FHIP1A: variants seen among roughly 807,000 people sequenced by gnomAD.
FHIP1A encodes FHF complex subunit HOOK interacting protein 1A, also known as FHF complex subunit HOOK-interacting protein 1A.
Under a neutral mutation model 88.6 loss-of-function variants are expected in FHIP1A, and 61 were observed. The observed-to-expected ratio is 0.69, with a 90% CI of 0.56 to 0.85. The LOEUF (loss-of-function observed/expected upper bound fraction) is 0.85. Ranked by LOEUF, FHIP1A falls within the 40% of genes least tolerant of loss-of-function variation. The pLI is 0.00. For synonymous variants in FHIP1A, 478 were observed against 496.0 expected (o/e 0.96, Z 0.48); for missense variants, 1,154 against 1,273.5 (o/e 0.91, Z 1.43).
At chr4:151,430,389 C>T (rs1733547948) in intron 1 of FHIP1A, among the ~76,000 whole-genome samples, 1 of 152,236 alleles carries the variant, frequency 6.6e-6, no homozygotes, top group African/African-American at 2.4e-5. Flanking sequence ...GATCACAGAA[C>T]TGGGACCACA....
intron 1 of FHIP1A, among the ~76,000 whole-genome samples, chr4:151,413,985 T>G (rs1732784070): frequency 6.6e-6 from 1 of 152,132 alleles, no homozygotes; most frequent in Admixed American, 6.5e-5. Flanking sequence ...TAGAAAGTTT[T>G]ACCTTGCTAG....
chr4:151,517,066 T>C (rs1283801614), intron 3 of FHIP1A, among the ~76,000 whole-genome samples: 1 of 152,146 alleles, frequency 6.6e-6, no homozygotes, highest in Non-Finnish European at 1.5e-5. Flanking sequence ...TGTCCAACAA[T>C]GATAGACTGG....
chr4:151,532,254 C>A (rs893215663), intron 3 of FHIP1A, among the ~76,000 whole-genome samples: 1 of 152,102 alleles, frequency 6.6e-6, no homozygotes, highest in Admixed American at 6.5e-5. Flanking sequence ...CTTTTTCTTG[C>A]TATTTACACA....
intron 8 of FHIP1A, among the ~76,000 whole-genome samples, chr4:151,630,170 T>G (rs910329350): frequency 2.0e-5 from 3 of 152,136 alleles, no homozygotes; most frequent in African/African-American, 7.2e-5. Flanking sequence ...AGTGCACTTC[T>G]GTGGGGGCAA....
intron 3 of FHIP1A, among the ~76,000 whole-genome samples, chr4:151,549,996 G>C (rs570755540): frequency 1.3e-5 from 2 of 151,686 alleles, no homozygotes; most frequent in Non-Finnish European, 2.9e-5. Context: ...CTTTAAAAAG[G>C]GTTTATTTTT....
At chr4:151,558,027 C>T (rs1733021014) in intron 3 of FHIP1A, among the ~76,000 whole-genome samples, 1 of 152,146 alleles carries the variant, frequency 6.6e-6, no homozygotes, top group Non-Finnish European at 1.5e-5. Context: ...CAGGGGTAAA[C>T]AATCTTGTCA....
At chr4:151,593,349 T>G (rs567931564) in intron 7 of FHIP1A, among the ~76,000 whole-genome samples, 3 of 152,358 alleles carry the variant, frequency 2.0e-5, no homozygotes, top group Middle Eastern at 3.4e-3. Context: ...TAAATTACTT[T>G]GGGCAGTATG....
intron 5 of FHIP1A, among the ~76,000 whole-genome samples, chr4:151,585,948 C>T (rs1429046343): frequency 3.9e-5 from 6 of 152,088 alleles, no homozygotes; most frequent in Non-Finnish European, 7.3e-5. Flanking sequence ...CTGATGCCTC[C>T]GTGTAGACTC....
chr4:151,503,135 A>T (rs552919812), intron 3 of FHIP1A, among the ~76,000 whole-genome samples: 1 of 152,280 alleles, frequency 6.6e-6, no homozygotes, highest in African/African-American at 2.4e-5. Context: ...AAAGAAAGTG[A>T]CTTTTTATTC....
chr4:151,531,997 G>A (rs1186996820), intron 3 of FHIP1A, among the ~76,000 whole-genome samples: 1 of 152,212 alleles, frequency 6.6e-6, no homozygotes, highest in Non-Finnish European at 1.5e-5. Context: ...GTTTTGCTCA[G>A]TAGCATTTTA....
chr4:151,646,767 T>A lies in FHIP1A; in HGVS notation c.1417+19T>A. Reference sequence around the variant, plus strand: ...ACTTCAGGTAGGAACTCGCTAGTGATGATCTTTAAACAAAAGGATGCCAGT... The same window carrying A: ...ACTTCAGGTAGGAACTCGCTAGTGAAGATCTTTAAACAAAAGGATGCCAGT... On this transcript the variant is annotated intron_variant, in intron 10 of 13. Transcript: ENST00000435205. 3 of 1,515,390 alleles carry A rather than the reference T, an allele frequency of 2.0e-6. No individual in the cohort carries two copies. Among genetic ancestry groups the A allele is most frequent in the Non-Finnish European group, 2.7e-6 (3 of 1,120,196 alleles). The allele number at this position is 1,515,390 out of a possible 1,614,324, so 93.9% of individuals were successfully genotyped here. A position where few individuals can be genotyped will look rare whatever the true frequency, so the allele number is the denominator to read the frequency against.
intron 3 of FHIP1A, among the ~76,000 whole-genome samples, chr4:151,552,431 G>A (rs549361658): frequency 6.6e-6 from 1 of 152,114 alleles, no homozygotes; most frequent in Non-Finnish European, 1.5e-5. Context: ...CAACCCAAAT[G>A]TCCATCAATG....
At chr4:151,593,705 A>G (rs1734531864) in intron 7 of FHIP1A, among the ~76,000 whole-genome samples, 1 of 152,184 alleles carries the variant, frequency 6.6e-6, no homozygotes, top group Non-Finnish European at 1.5e-5. Context: ...GTCATCTGCA[A>G]ACAGAGACAA....
chr4:151,473,709 A>G (rs556167215), intron 2 of FHIP1A, among the ~76,000 whole-genome samples: 1 of 152,332 alleles, frequency 6.6e-6, no homozygotes, highest in East Asian at 1.9e-4. Flanking sequence ...GAGAAAGTCA[A>G]GGGAACAATC....
chr4:151,664,684 TG>T lies in FHIP1A; in HGVS notation c.*1932del, dbSNP rs975139062. On this transcript the variant is annotated 3_prime_UTR_variant, in exon 14 of 14. Coordinates refer to ENST00000435205, the MANE Select transcript of FHIP1A (RefSeq NM_001109977.3). ...ATAGAGAAAGAGGAACAGTTGAAGATGGAAGTTCGGCTGTAATTTATTATAC... is the reference window on the plus strand; with the variant it reads ...ATAGAGAAAGAGGAACAGTTGAAGATGAAGTTCGGCTGTAATTTATTATAC... Among the ~76,000 whole-genome samples, 25 of 152,248 alleles carry T rather than the reference TG, an allele frequency of 1.6e-4. No individual in the cohort carries two copies. Among genetic ancestry groups the T allele is most frequent in the Admixed American group, 2.6e-4 (4 of 15,290 alleles).
chr4:151,500,472 C>T (rs1646582448), intron 3 of FHIP1A, among the ~76,000 whole-genome samples: 1 of 150,726 alleles, frequency 6.6e-6, no homozygotes, highest in South Asian at 2.1e-4. Context: ...TTTGGACAGC[C>T]TGCCTGGGTT....
Position 151,566,219 on chromosome 4 carries a change from A to G in FHIP1A, c.-41A>G. On this transcript the variant is annotated 5_prime_UTR_variant, in exon 4 of 14. Transcript: ENST00000435205. ...AGTGACGGCTTACCAAATTTTAATG[A>G]AAATTAAATATGACTTAGAAGCATT... 7.7e-7 allele frequency: 1 copy of G among 1,307,132 alleles called. No individual in the cohort carries two copies. The highest frequency in any genetic ancestry group is 1.0e-6 in the Non-Finnish European group (1 of 956,590). 81.0% of individuals were successfully genotyped at this position (1,307,132 alleles called of 1,614,324 possible).
At chr4:151,432,287 G>A (rs1733622154) in intron 1 of FHIP1A, among the ~76,000 whole-genome samples, 1 of 152,144 alleles carries the variant, frequency 6.6e-6, no homozygotes, top group Admixed American at 6.6e-5. Context: ...CATTCATTGA[G>A]CAAATATTTA....
chr4:151,531,118 T>C (rs1381835401), intron 3 of FHIP1A, among the ~76,000 whole-genome samples: 1 of 152,104 alleles, frequency 6.6e-6, no homozygotes, highest in Non-Finnish European at 1.5e-5. Flanking sequence ...AAGATAATTA[T>C]CATGCTTCTA....
Sources: allele counts gnomAD v4.1 joint callset (sites outside exome capture counted in the v4.1 genomes callset), GRCh38; gene constraint gnomAD v4.1.1; transcripts MANE v1.5; gene names NCBI Gene and HGNC (gene_info 2026-07-23, HGNC 2026-07-21).